VSTM2B: variants seen among roughly 807,000 people sequenced by gnomAD.
VSTM2B encodes V-set and transmembrane domain-containing protein 2B.
Under a neutral mutation model 24.0 loss-of-function variants are expected in VSTM2B, and 24 were observed. The ratio of observed to expected loss-of-function variants is 1.00; its 90% confidence interval spans 0.72 to 1.40. The LOEUF (loss-of-function observed/expected upper bound fraction) is 1.40, where lower values mean the gene tolerates loss of function less well. Among genes scored for constraint, VSTM2B ranks in the 40% most tolerant of loss-of-function variants. VSTM2B has a pLI of 0.00. For synonymous variants in VSTM2B, 226 were observed against 194.4 expected, an observed-to-expected ratio of 1.16 and a Z score of -1.35; for missense variants, 399 against 416.4, an observed-to-expected ratio of 0.96 and a Z score of 0.36.
chr19:29,552,770 C>G (rs1475942881), intron 4 of VSTM2B, among the ~76,000 whole-genome samples: 1 of 152,200 alleles, frequency 6.6e-6, no homozygotes, highest in Non-Finnish European at 1.5e-5. Context: ...CTGCTTTTCC[C>G]CTGCCAGTAC....
chr19:29,527,485 C>T, intron 2 of VSTM2B, 90 bp downstream of exon 2: 5 of 1,222,910 alleles, frequency 4.1e-6, no homozygotes, highest in Non-Finnish European at 5.4e-6. Context: ...GCGGGCTTCA[C>T]TCGCGCAGGG....
intron 4 of VSTM2B, among the ~76,000 whole-genome samples, chr19:29,563,404 C>T (rs149502756): frequency 6.6e-6 from 1 of 152,156 alleles, no homozygotes; most frequent in East Asian, 1.9e-4. Context: ...CCACCACACA[C>T]AGCTAATTTT....
chr19:29,530,167 C>G lies in VSTM2B; in HGVS notation c.646C>G (p.Pro216Ala), dbSNP rs1454071787. The G allele has an allele frequency of 3.4e-6, 5 of 1,487,924 alleles. No individual in the cohort carries two copies. Among genetic ancestry groups the G allele is most frequent in the Non-Finnish European group, 1.8e-6 (2 of 1,126,396 alleles). 92.2% of individuals were successfully genotyped at this position (1,487,924 alleles called of 1,614,324 possible). Residue 216 changes from proline to alanine, a missense_variant, in exon 4 of 5, where the codon CCC becomes GCC. Pro to Ala is a conservative substitution (Grantham distance 27, BLOSUM62 -1). Coordinates refer to ENST00000335523, the MANE Select transcript of VSTM2B (RefSeq NM_001146339.2). Reference sequence around the variant, plus strand: ...TCCCGCCGCCATCGATCCCGCAGTCCCCGAGGCCGCGGCAGCCTCGGCGGC... The same window carrying G: ...TCCCGCCGCCATCGATCCCGCAGTCGCCGAGGCCGCGGCAGCCTCGGCGGC... Reference protein sequence around the residue: ...SPPAAIDPAVPEAAAASAAHT... With the variant: ...SPPAAIDPAVAEAAAASAAHT...
At chr19:29,551,860 A>G (rs1340756727) in intron 4 of VSTM2B, among the ~76,000 whole-genome samples, 2 of 152,214 alleles carry the variant, frequency 1.3e-5, no homozygotes, top group African/African-American at 4.8e-5. Context: ...CGCTCAGCAC[A>G]CAACCCCCAG....
intron 2 of VSTM2B, among the ~76,000 whole-genome samples, chr19:29,527,788 C>T (rs1342263829): frequency 6.6e-6 from 1 of 152,132 alleles, no homozygotes; most frequent in Non-Finnish European, 1.5e-5. Flanking sequence ...CCCACGGCTG[C>T]GTTCCAGAGG....
chr19:29,530,991 G>C (rs2145466142), intron 4 of VSTM2B, among the ~76,000 whole-genome samples: 1 of 150,598 alleles, frequency 6.6e-6, no homozygotes, highest in African/African-American at 2.5e-5. Flanking sequence ...CTGGGAGAAG[G>C]GATTGGGGAT....
chr19:29,549,736 C>A (rs961174539), intron 4 of VSTM2B, among the ~76,000 whole-genome samples: 1 of 152,236 alleles, frequency 6.6e-6, no homozygotes, highest in Non-Finnish European at 1.5e-5. Flanking sequence ...AGGATGGCTA[C>A]TAGATGCCCT....
chr19:29,552,162 A>G (rs963177902), intron 4 of VSTM2B, among the ~76,000 whole-genome samples: 2 of 152,198 alleles, frequency 1.3e-5, no homozygotes, highest in African/African-American at 4.8e-5. Flanking sequence ...CTGAGCTCTG[A>G]ACCATTGCTG....
In VSTM2B at chr19:29,529,927, G is replaced by T; in HGVS notation, c.406G>T (p.Asp136Tyr). 3 of 1,550,056 alleles carry T rather than the reference G, an allele frequency of 1.9e-6. No individual in the cohort carries two copies. The highest frequency in any genetic ancestry group is 1.2e-5 in the South Asian group (1 of 84,012). ...CCGCGTGTCGGACTACAGCGACGAC[G>T]ACACGCAGGAGCACAAGGCCCAGGC... ...ECRVSDYSDD[D>Y]TQEHKAQAML... Residue 136 changes from aspartate (D) to tyrosine (Y), a missense_variant, in exon 4 of 5, where the codon GAC becomes TAC. By Grantham distance (160) the Asp-to-Tyr change is radical. Coordinates refer to ENST00000335523, the MANE Select transcript of VSTM2B (RefSeq NM_001146339.2).
At chr19:29,549,701 A>G (rs1166280168) in intron 4 of VSTM2B, among the ~76,000 whole-genome samples, 1 of 152,186 alleles carries the variant, frequency 6.6e-6, no homozygotes, top group Non-Finnish European at 1.5e-5. Context: ...CCCCACAGGG[A>G]AAAGGATGGG....
chr19:29,535,342 A>C (rs967129616), intron 4 of VSTM2B, among the ~76,000 whole-genome samples: 6 of 152,176 alleles, frequency 3.9e-5, no homozygotes, highest in Non-Finnish European at 8.8e-5. Flanking sequence ...TCCAGTTTGC[A>C]ACTGAATGGC....
intron 4 of VSTM2B, among the ~76,000 whole-genome samples, chr19:29,547,728 G>A (rs771880517): frequency 7.9e-5 from 12 of 152,154 alleles, no homozygotes; most frequent in Non-Finnish European, 1.6e-4. Flanking sequence ...AGACATTTGT[G>A]CCAAGCCCTC....
chr19:29,543,459 A>T (rs967406666), intron 4 of VSTM2B, among the ~76,000 whole-genome samples: 14 of 152,342 alleles, frequency 9.2e-5, no homozygotes, highest in African/African-American at 3.4e-4. Context: ...CTGAGGTGGA[A>T]CCCAAAGGCG....
At chr19:29,561,549 C>A (rs1970526434) in intron 4 of VSTM2B, among the ~76,000 whole-genome samples, 1 of 152,210 alleles carries the variant, frequency 6.6e-6, no homozygotes, top group Non-Finnish European at 1.5e-5. Context: ...TGCTTGAACC[C>A]AGGAGATGGA....
At chr19:29,530,711 G>C (rs948843878) in intron 4 of VSTM2B, among the ~76,000 whole-genome samples, 4 of 152,182 alleles carry the variant, frequency 2.6e-5, no homozygotes, top group Non-Finnish European at 4.4e-5. Flanking sequence ...GCTGGAGAGC[G>C]GGAGGCGGTT....
intron 4 of VSTM2B, among the ~76,000 whole-genome samples, chr19:29,540,612 C>T (rs1969999408): frequency 6.6e-6 from 1 of 152,200 alleles, no homozygotes; most frequent in African/African-American, 2.4e-5. Context: ...CTGCTGTTTC[C>T]CCACTGTCCT....
intron 4 of VSTM2B, among the ~76,000 whole-genome samples, chr19:29,556,244 T>G (rs1970405380): frequency 1.3e-5 from 2 of 151,726 alleles, no homozygotes. Context: ...AGTCCTGGGA[T>G]GCACAAAACA....
At chr19:29,534,915 AG>A (rs1278249834) in intron 4 of VSTM2B, among the ~76,000 whole-genome samples, 3 of 152,118 alleles carry the variant, frequency 2.0e-5, no homozygotes, top group South Asian at 2.1e-4. Flanking sequence ...CGAAGGAGAG[AG>A]GGGGGACTTC....
intron 4 of VSTM2B, among the ~76,000 whole-genome samples, chr19:29,557,779 C>T (rs895643300): frequency 6.6e-6 from 1 of 151,504 alleles, no homozygotes; most frequent in African/African-American, 2.4e-5. Flanking sequence ...CCATTTGGGA[C>T]ATAGGCACAG....
Sources: allele counts gnomAD v4.1 joint callset (sites outside exome capture counted in the v4.1 genomes callset), GRCh38; gene constraint gnomAD v4.1.1; transcripts MANE v1.5; gene names NCBI Gene and HGNC (gene_info 2026-07-23, HGNC 2026-07-21).